The following MIER1 variants were observed in gnomAD, a reference collection of about 807,000 sequenced individuals.
MIER1 encodes MIER1 transcriptional regulator.
MIER1 carries 40 observed loss-of-function variants against 75.7 expected under a neutral mutation model. The observed-to-expected ratio is 0.53, with a 90% CI of 0.41 to 0.69. MIER1 has a LOEUF of 0.69. Ranked by LOEUF, MIER1 falls within the 30% of genes least tolerant of loss-of-function variation. The pLI is 0.00. For synonymous variants in MIER1, 213 were observed against 223.4 expected (o/e 0.95, Z 0.42); for missense variants, 574 against 680.2 (o/e 0.84, Z 1.74).
Position 66,948,028 on chromosome 1 carries a change from C to G in MIER1, c.339+1733C>G, listed in dbSNP as rs1005130533. 4 of 979,582 alleles carry G rather than the reference C, an allele frequency of 4.1e-6. No individual in the cohort carries two copies. The African/African-American group carries it at 7.0e-5, about 17-fold the overall frequency. The allele number at this position is 979,582 out of a possible 1,614,324, so 60.7% of individuals were successfully genotyped here. ...ATTTTTATTTTTTTTTAACCACTGTCCCCTATTCAATGCTTTCTTTAGTGT... is the reference window on the plus strand; with the variant it reads ...ATTTTTATTTTTTTTTAACCACTGTGCCCTATTCAATGCTTTCTTTAGTGT... On this transcript the variant is annotated intron_variant, in intron 4 of 13. Transcript: ENST00000401041.
chr1:66,950,669 T>G (rs1408999046), intron 4 of MIER1, among the ~76,000 whole-genome samples: 1 of 151,016 alleles, frequency 6.6e-6, no homozygotes, highest in Non-Finnish European at 1.5e-5. Flanking sequence ...AATGTGTGAT[T>G]AAAATGTGAG....
At chr1:66,957,981 C>A in intron 4 of MIER1, 78 bp from the exon 5 acceptor site, 1 of 864,438 alleles carries the variant, frequency 1.2e-6, no homozygotes, top group Non-Finnish European at 1.7e-6. Flanking sequence ...AATGAATACT[C>A]CACAGATTTG....
At position 66,926,074 on chromosome 1, in the gene MIER1, G is replaced by C. The variant is rs199990865; in HGVS notation, c.68-68G>C. 4.7e-4 allele frequency: 583 copies of C among 1,236,510 alleles called. 6 individuals are homozygous for C. The highest frequency in any genetic ancestry group is 3.4e-3 in the Middle Eastern group (18 of 5,360). The allele number at this position is 1,236,510 out of a possible 1,614,324, so 76.6% of individuals were successfully genotyped here. On this transcript the variant is annotated intron_variant, in intron 1 of 13. Transcript: ENST00000401041. ...CCATCTTTTTAAAAATGCGAAACAG[G>C]GTGGATGGTGAGCTTGTATCATCGT...
intron 2 of MIER1, chr1:66,930,117 G>A (rs1652747240): frequency 1.1e-6 from 1 of 938,410 alleles, no homozygotes; most frequent in Non-Finnish European, 1.4e-6. Flanking sequence ...CTCTTCCCGG[G>A]GAGGGCTGGC....
chr1:66,942,511 A>G (rs564544709), intron 3 of MIER1, among the ~76,000 whole-genome samples: 1 of 152,326 alleles, frequency 6.6e-6, no homozygotes, highest in African/African-American at 2.4e-5. Flanking sequence ...ATGACAAAGC[A>G]GTCACATTTG....
At chr1:66,941,412 A>G (rs1274382929) in intron 3 of MIER1, among the ~76,000 whole-genome samples, 1 of 152,034 alleles carries the variant, frequency 6.6e-6, no homozygotes, top group Non-Finnish European at 1.5e-5. Flanking sequence ...TTTTTAGGAC[A>G]TGGAATTATT....
rs1667064280 is a variant in MIER1, at chr1:66,988,568, A to C, written c.*3668A>C. 6.6e-6 allele frequency: 1 copy of C among 152,242 alleles called. No individual in the cohort carries two copies. Among genetic ancestry groups the C allele is most frequent in the Admixed American group, 6.5e-5 (1 of 15,278 alleles). 9.4% of individuals were successfully genotyped at this position (152,242 alleles called of 1,614,324 possible). A position where few individuals can be genotyped will look rare whatever the true frequency, so the allele number is the denominator to read the frequency against. ...GATTATTTTCAATTTGTCTTTAGTTAGTATAAAGAATTATAGAATGTATAA... is the reference window on the plus strand; with the variant it reads ...GATTATTTTCAATTTGTCTTTAGTTCGTATAAAGAATTATAGAATGTATAA... On this transcript the variant is annotated 3_prime_UTR_variant, in exon 14 of 14. Coordinates refer to ENST00000401041, the MANE Select transcript of MIER1 (RefSeq NM_001077700.3).
At chr1:66,980,516 T>A (rs1390995769) in intron 12 of MIER1, among the ~76,000 whole-genome samples, 1 of 152,202 alleles carries the variant, frequency 6.6e-6, no homozygotes, top group Non-Finnish European at 1.5e-5. Context: ...TAGGTTGAGA[T>A]AACTACAATT....
chr1:66,947,006 C>G, intron 4 of MIER1: 2 of 985,210 alleles, frequency 2.0e-6, no homozygotes, highest in Non-Finnish European at 2.4e-6. Flanking sequence ...TCTCTCCTGT[C>G]TCTGTCTGGA....
intron 10 of MIER1, among the ~76,000 whole-genome samples, chr1:66,972,243 T>TATATATATATATATATACTAC: frequency 1.5e-5 from 1 of 68,754 alleles, no homozygotes; most frequent in East Asian, 2.9e-4. Flanking sequence ...TACATATATA[T>TATATATATATATATATACTAC]ATATATATAT....
At chr1:66,935,320 G>T (rs1240218506) in intron 2 of MIER1, among the ~76,000 whole-genome samples, 1 of 152,184 alleles carries the variant, frequency 6.6e-6, no homozygotes, top group Non-Finnish European at 1.5e-5. Context: ...AAATATGTGG[G>T]TGAGGGTCAA....
intron 4 of MIER1, among the ~76,000 whole-genome samples, chr1:66,952,330 G>T (rs921377508): frequency 3.3e-5 from 5 of 152,186 alleles, no homozygotes; most frequent in Non-Finnish European, 7.3e-5. Flanking sequence ...ACAGGTGACT[G>T]ACAGGCCCTG....
At chr1:66,976,969 T>C (rs1412070526) in intron 12 of MIER1, among the ~76,000 whole-genome samples, 2 of 152,216 alleles carry the variant, frequency 1.3e-5, no homozygotes, top group Non-Finnish European at 2.9e-5. Context: ...TCATATTATG[T>C]ATGAGACAAG....
At chr1:66,938,552 T>G (rs1251067925) in intron 2 of MIER1, among the ~76,000 whole-genome samples, 1 of 152,212 alleles carries the variant, frequency 6.6e-6, no homozygotes. Context: ...GTGTGGTGGT[T>G]AACTCCATTT....
chr1:66,964,448 C>CTTTTTTTTTTTTTT (rs71058483), intron 8 of MIER1, among the ~76,000 whole-genome samples: 2 of 119,798 alleles, frequency 1.7e-5, no homozygotes, highest in African/African-American at 6.4e-5. Context: ...TGTATGTTTC[C>CTTTTTTTTTTTTTT]TTTTTTTTTT....
In MIER1 at chr1:66,925,047, G is replaced by C; in HGVS notation, c.19G>C (p.Gly7Arg). 1 of 1,549,814 alleles carries C rather than the reference G, an allele frequency of 6.5e-7. No individual in the cohort carries two copies. ...CAGGCGGATGGATGGGGCTTCTTCA[G>C]GCGGTGGCGGCAGCAGCGAAGGTGG... MDGASSGGGGSSEGGGG... is the reference protein window; with the variant it reads MDGASSRGGGSSEGGGG... Residue 7 changes from glycine to arginine, a missense_variant, in exon 1 of 14, where the codon GGC becomes CGC. By Grantham distance (125) the Gly-to-Arg change is moderately radical. Coordinates refer to ENST00000401041, the MANE Select transcript of MIER1 (RefSeq NM_001077700.3).
At position 66,985,814 on chromosome 1, in the gene MIER1, ATTTTTTT is replaced by A. The variant is rs150870135; in HGVS notation, c.*931_*937del. On this transcript the variant is annotated 3_prime_UTR_variant, in exon 14 of 14. Coordinates refer to ENST00000401041, the MANE Select transcript of MIER1 (RefSeq NM_001077700.3). The stretch of plus-strand genomic sequence containing the variant: ...TAAAGCATTCATAAAGGATTATAAA[ATTTTTTT>A]TTTTTTTTTTTTTTTTAAATTTCTA... The A allele has an allele frequency of 4.1e-5, 26 of 630,432 alleles. No homozygotes were observed. The highest frequency in any genetic ancestry group is 8.3e-4 in the Middle Eastern group (1 of 1,198). The allele number at this position is 630,432 out of a possible 1,614,324, so 39.1% of individuals were successfully genotyped here.
chr1:66,974,843 A>G (rs1441517821), intron 11 of MIER1, among the ~76,000 whole-genome samples: 14 of 152,228 alleles, frequency 9.2e-5, no homozygotes, highest in Admixed American at 8.5e-4. Context: ...GATCTTAATC[A>G]TAAGTTCTAT....
chr1:66,926,124 C>G lies in MIER1; in HGVS notation c.68-18C>G, dbSNP rs750873137. On this transcript the variant is annotated intron_variant, in intron 1 of 13. Transcript: ENST00000401041. ...TTTCTGTCTCCTTGCTACTGAGGCT[C>G]TCTTTCCTTTGATCCAGATGGTGTG... The G allele has an allele frequency of 1.0e-5, 16 of 1,605,642 alleles. No individual in the cohort carries two copies. The highest frequency in any genetic ancestry group is 2.6e-6 in the Non-Finnish European group (3 of 1,172,460).
Sources: gnomAD v4.1 joint callset for allele counts (sites outside exome capture counted in the v4.1 genomes callset) on GRCh38, gnomAD v4.1.1 for gene constraint, MANE v1.5 for transcripts, NCBI Gene and HGNC (gene_info 2026-07-23, HGNC 2026-07-21) for gene names.